Variants in PHACTR1 observed in about 807,000 individuals in gnomAD.
PHACTR1 encodes the protein RPEL repeat containing 1.
In PHACTR1, 16 loss-of-function variants were observed where a neutral mutation model predicts 69.2. The observed-to-expected ratio is 0.23, with a 90% confidence interval of 0.16 to 0.35. The LOEUF is 0.35. Ranked by LOEUF, PHACTR1 falls within the 10% of genes least tolerant of loss-of-function variation. The pLI is 1.00. For synonymous variants in PHACTR1, 312 were observed against 284.5 expected, an observed-to-expected ratio of 1.10 and a Z score of -0.97; for missense variants, 510 against 734.7, an observed-to-expected ratio of 0.69 and a Z score of 3.54.
intron 8 of PHACTR1, among the ~76,000 whole-genome samples, chr6:13,215,251 G>T (rs1150619): frequency 6.6e-6 from 1 of 152,186 alleles, no homozygotes; most frequent in Non-Finnish European, 1.5e-5. Context: ...CTCAGTGCAG[G>T]TTAGAACCTG....
In PHACTR1 at chr6:12,741,123, T is replaced by C. The variant is rs531308398; in HGVS notation, c.104-8521T>C. Among the ~76,000 whole-genome samples the C allele has an allele frequency of 2.0e-5, 3 of 152,152 alleles. No individual in the cohort carries two copies. In the East Asian group the frequency reaches 5.8e-4, roughly 29 times the overall value. ...TTTGAAATATTTTCTCTTATCTAAA[T>C]AAACATTTAGTGCAATAAATGTCCC... On this transcript the variant is annotated intron_variant, in intron 3 of 14. Coordinates refer to ENST00000332995, the MANE Select transcript of PHACTR1 (RefSeq NM_030948.6).
intron 4 of PHACTR1, among the ~76,000 whole-genome samples, chr6:12,947,718 A>G (rs555850907): frequency 1.3e-5 from 2 of 152,306 alleles, no homozygotes; most frequent in African/African-American, 2.4e-5. Context: ...TTTAATCCTC[A>G]CAATCACCCT....
chr6:13,193,790 G>A (rs989471223), intron 7 of PHACTR1, among the ~76,000 whole-genome samples: 15 of 152,050 alleles, frequency 9.9e-5, no homozygotes, highest in African/African-American at 3.6e-4. Context: ...TGCTCACCCT[G>A]ATGACGTGGT....
At position 13,088,865 on chromosome 6, in the gene PHACTR1, G is replaced by A. The variant is rs1029840406; in HGVS notation, c.415+35336G>A. Among the ~76,000 whole-genome samples, 6 of 152,278 alleles carry A rather than the reference G, an allele frequency of 3.9e-5. No homozygotes were observed. The Middle Eastern group carries it at 0.01, about 259-fold the overall frequency. Reference sequence around the variant, plus strand: ...GAAATATTTCCTCCTGGGCTCTCAAGATTACAGGCAATCTGCTGTTCAGCT... The same window carrying A: ...GAAATATTTCCTCCTGGGCTCTCAAAATTACAGGCAATCTGCTGTTCAGCT... On this transcript the variant is annotated intron_variant, in intron 5 of 14. Coordinates refer to ENST00000332995, the MANE Select transcript of PHACTR1 (RefSeq NM_030948.6).
chr6:12,757,164 A>G (rs951239614), intron 4 of PHACTR1, among the ~76,000 whole-genome samples: 5 of 152,196 alleles, frequency 3.3e-5, no homozygotes, highest in Non-Finnish European at 7.3e-5. Flanking sequence ...ATGGAGGAGA[A>G]GGGCTTTGAA....
chr6:13,286,454 A>G (rs917069571), intron 14 of PHACTR1, among the ~76,000 whole-genome samples: 5 of 152,342 alleles, frequency 3.3e-5, no homozygotes, highest in African/African-American at 1.2e-4. Flanking sequence ...ACTCATTTAA[A>G]CTAAAGGTCT....
chr6:12,850,736 A>G (rs906946018), intron 4 of PHACTR1, among the ~76,000 whole-genome samples: 1 of 152,102 alleles, frequency 6.6e-6, no homozygotes, highest in African/African-American at 2.4e-5. Context: ...AGTCCTTGGC[A>G]TTTCTTGGCT....
intron 4 of PHACTR1, among the ~76,000 whole-genome samples, chr6:12,944,777 A>ATTTTTTTTTTTTTTTTTTTT (rs757721726): frequency 7.4e-6 from 1 of 135,764 alleles, no homozygotes; most frequent in African/African-American, 2.9e-5. Flanking sequence ...TTATTTATTT[A>ATTTTTTTTTTTTTTTTTTTT]TTTTTATTTA....
chr6:13,095,117 C>A (rs1448052087), intron 5 of PHACTR1, among the ~76,000 whole-genome samples: 1 of 152,136 alleles, frequency 6.6e-6, no homozygotes, highest in Admixed American at 6.6e-5. Context: ...ACTTACCTTG[C>A]CAGCAACTTG....
At chr6:12,985,528 TAA>T (rs149850503) in intron 4 of PHACTR1, among the ~76,000 whole-genome samples, 22,477 of 134,578 alleles carry the variant, frequency 0.17, 1,919 homozygotes, top group South Asian at 0.25. Flanking sequence ...TACTACAAAT[TAA>T]AAAAAAAAAA....
chr6:13,016,047 C>T (rs1344998819), intron 4 of PHACTR1, among the ~76,000 whole-genome samples: 1 of 152,234 alleles, frequency 6.6e-6, no homozygotes, highest in African/African-American at 2.4e-5. Flanking sequence ...CAAAGCAGCA[C>T]TGCCCACTGT....
chr6:12,979,474 T>G (rs1795254642), intron 4 of PHACTR1, among the ~76,000 whole-genome samples: 2 of 152,144 alleles, frequency 1.3e-5, no homozygotes, highest in South Asian at 2.1e-4. Flanking sequence ...GAGCTCTGTT[T>G]TGCAGTTGCA....
At chr6:12,821,696 T>A in intron 4 of PHACTR1, among the ~76,000 whole-genome samples, 1 of 152,214 alleles carries the variant, frequency 6.6e-6, no homozygotes, top group East Asian at 1.9e-4. Context: ...CGATAATATA[T>A]GTTATCCGTT....
At chr6:12,748,751 A>G (rs961062100) in intron 3 of PHACTR1, among the ~76,000 whole-genome samples, 2 of 152,230 alleles carry the variant, frequency 1.3e-5, no homozygotes, top group African/African-American at 4.8e-5. Context: ...GACCAAATAA[A>G]GAGGAATTCG....
At chr6:12,718,983 C>T in intron 3 of PHACTR1, 136 bp downstream of exon 3, 1 of 475,278 alleles carries the variant, frequency 2.1e-6, no homozygotes, top group Non-Finnish European at 3.7e-6. Flanking sequence ...CTCTACCAAA[C>T]TGCTGCTGGA....
chr6:12,897,822 A>G (rs1010079472), intron 4 of PHACTR1, among the ~76,000 whole-genome samples: 1 of 151,908 alleles, frequency 6.6e-6, no homozygotes, highest in African/African-American at 2.4e-5. Context: ...TCATCAACCT[A>G]TCACCTACAT....
intron 4 of PHACTR1, among the ~76,000 whole-genome samples, chr6:12,844,872 C>G (rs1779049118): frequency 6.6e-6 from 1 of 152,044 alleles, no homozygotes; most frequent in African/African-American, 2.4e-5. Context: ...AGAAGAAAAA[C>G]CTGTCCCCTC....
At chr6:12,852,973 A>G (rs1779979849) in intron 4 of PHACTR1, among the ~76,000 whole-genome samples, 1 of 152,124 alleles carries the variant, frequency 6.6e-6, no homozygotes, top group East Asian at 1.9e-4. Context: ...AATGCATCCT[A>G]TGTGAAGAAA....
chr6:12,993,308 G>C (rs1797031713), intron 4 of PHACTR1, among the ~76,000 whole-genome samples: 2 of 152,202 alleles, frequency 1.3e-5, no homozygotes, highest in Non-Finnish European at 2.9e-5. Context: ...TTTGCTAGGA[G>C]TTGGGATAGT....
Sources: gnomAD v4.1 joint callset for allele counts (sites outside exome capture counted in the v4.1 genomes callset) on GRCh38, gnomAD v4.1.1 for gene constraint, MANE v1.5 for transcripts, NCBI Gene and HGNC (gene_info 2026-07-23, HGNC 2026-07-21) for gene names.